Variants in KCTD15 observed in about 807,000 individuals in gnomAD.
KCTD15 encodes the protein potassium channel tetramerization domain containing 15, also known as BTB/POZ domain-containing protein KCTD15.
KCTD15 carries 11 observed loss-of-function variants against 27.2 expected under a neutral mutation model. That is an observed-to-expected ratio of 0.41 (90% CI 0.25 to 0.67). The LOEUF is 0.67. KCTD15 is among the 30% of genes least tolerant of loss of function. The pLI is 0.35. For synonymous variants in KCTD15, 163 were observed against 176.0 expected (o/e 0.93, Z 0.58); for missense variants, 350 against 409.3 (o/e 0.86, Z 1.25).
chr19:33,804,547 G>A (rs1281165696), intron 4 of KCTD15, among the ~76,000 whole-genome samples: 2 of 152,160 alleles, frequency 1.3e-5, no homozygotes, highest in Non-Finnish European at 2.9e-5. Context: ...CACCTTGGAT[G>A]TAGCTCTTAC....
upstream of KCTD15, among the ~76,000 whole-genome samples, chr19:33,794,620 T>A (rs1012856376): frequency 2.0e-5 from 3 of 152,006 alleles, no homozygotes; most frequent in Non-Finnish European, 4.4e-5. Flanking sequence ...CATTCCACCC[T>A]CCACAAAGGC....
chr19:33,812,290 C>T (rs368112892), intron 6 of KCTD15: 2 of 1,016,252 alleles, frequency 2.0e-6, no homozygotes, highest in South Asian at 9.1e-5. Flanking sequence ...TCCTTTTTCT[C>T]TCCCTCCAGA....
Position 33,813,230 on chromosome 19 carries a change from C to G in KCTD15, c.*282C>G, listed in dbSNP as rs1432189093. 2 of 638,814 alleles carry G rather than the reference C, an allele frequency of 3.1e-6. No individual in the cohort carries two copies. Among genetic ancestry groups the G allele is most frequent in the African/African-American group, 1.8e-5 (1 of 55,678 alleles). 39.6% of individuals were successfully genotyped at this position (638,814 alleles called of 1,614,324 possible). A position where few individuals can be genotyped will look rare whatever the true frequency, so the allele number is the denominator to read the frequency against. ...GCTTCGCAGCCTGGCGCAGCATCCTCTGAGGCCCCGGGGCCTGTTGGGGCG... is the reference window on the plus strand; with the variant it reads ...GCTTCGCAGCCTGGCGCAGCATCCTGTGAGGCCCCGGGGCCTGTTGGGGCG... On this transcript the variant is annotated 3_prime_UTR_variant, in exon 7 of 7. Transcript: ENST00000683859.
chr19:33,813,164 A>G lies in KCTD15; in HGVS notation c.*216A>G. Reference sequence around the variant, plus strand: ...AGGACTGTTGATGCGACCCAAAGATACAGCGGTGGGATCTCTGCTGCCAGC... The same window carrying G: ...AGGACTGTTGATGCGACCCAAAGATGCAGCGGTGGGATCTCTGCTGCCAGC... On this transcript the variant is annotated 3_prime_UTR_variant, in exon 7 of 7. Transcript: ENST00000683859. The G allele has an allele frequency of 3.2e-6, 2 of 625,920 alleles. No individual in the cohort carries two copies. Among genetic ancestry groups the G allele is most frequent in the Non-Finnish European group, 2.9e-6 (1 of 349,594 alleles). The allele number at this position is 625,920 out of a possible 1,614,324, so 38.8% of individuals were successfully genotyped here.
chr19:33,803,962 C>T (rs4239577), intron 4 of KCTD15, among the ~76,000 whole-genome samples: 38,036 of 152,172 alleles, frequency 0.25, 5,880 homozygotes, highest in Middle Eastern at 0.43. Flanking sequence ...CCTGCTGCAG[C>T]GTGAACTGGC....
rs187795185 is a variant in KCTD15 at position 33,801,657 on chromosome 19, T to C, written c.242+315T>C. ...AGCCTGCCGGCAGCGGGCAGGGGAGTCTCACGTACCTTCAAGGTTCCTCTG... is the reference window on the plus strand; with the variant it reads ...AGCCTGCCGGCAGCGGGCAGGGGAGCCTCACGTACCTTCAAGGTTCCTCTG... On this transcript the variant is annotated intron_variant, in intron 4 of 6. Transcript: ENST00000683859. 8.0e-5 allele frequency: 21 copies of C among 261,906 alleles called. No homozygotes were observed. In the East Asian group the frequency reaches 1.3e-3, roughly 16 times the overall value. 16.2% of individuals were successfully genotyped at this position (261,906 alleles called of 1,614,324 possible).
At chr19:33,812,044 G>A (rs1192111277) in intron 6 of KCTD15, 1 of 1,399,962 alleles carries the variant, frequency 7.1e-7, no homozygotes, top group Non-Finnish European at 9.2e-7. Flanking sequence ...ATGGAGTGAG[G>A]GCCTATTTTC....
chr19:33,797,940 G>A (rs1342732378), intron 1 of KCTD15, among the ~76,000 whole-genome samples: 3 of 152,100 alleles, frequency 2.0e-5, no homozygotes, highest in Non-Finnish European at 2.9e-5. Context: ...CTTTGTCCCC[G>A]CCCCGCCTCC....
At position 33,797,436 on chromosome 19, in the gene KCTD15, TC is replaced by T. The variant is rs567862011; in HGVS notation, c.-127+450del. On this transcript the variant is annotated intron_variant, in intron 1 of 6. Coordinates refer to ENST00000683859, the MANE Select transcript of KCTD15 (RefSeq NM_001129994.2). ...ACAAGTCCCGGCTTGGCGCCCAAAA[TC>T]AGAGAAAGTCTCCAGTGGGACAGAT... 5.0e-4 allele frequency: 227 copies of T among 453,746 alleles called. 3 individuals carry two copies. Among genetic ancestry groups the T allele is most frequent in the African/African-American group, 4.4e-3 (220 of 50,044 alleles). The allele number at this position is 453,746 out of a possible 1,614,324, so 28.1% of individuals were successfully genotyped here.
In KCTD15 at chr19:33,813,048, G is replaced by A; in HGVS notation, c.*100G>A. The A allele has an allele frequency of 2.4e-6, 3 of 1,265,620 alleles. No homozygotes were observed. The highest frequency in any genetic ancestry group is 3.3e-6 in the Non-Finnish European group (3 of 904,840). 78.4% of individuals were successfully genotyped at this position (1,265,620 alleles called of 1,614,324 possible). On this transcript the variant is annotated 3_prime_UTR_variant, in exon 7 of 7. Transcript: ENST00000683859. Reference sequence around the variant, plus strand: ...TGGCCGTGGGCATGAGACCGAGGGTGAGGCTGGAGGGTCCAAAGCTGGCCC... The same window carrying A: ...TGGCCGTGGGCATGAGACCGAGGGTAAGGCTGGAGGGTCCAAAGCTGGCCC...
chr19:33,801,438 C>A, intron 4 of KCTD15, 96 bp downstream of exon 4: 1 of 1,117,800 alleles, frequency 8.9e-7, no homozygotes, highest in Non-Finnish European at 1.2e-6. Flanking sequence ...CACTGTCACT[C>A]CACCCACCAG....
intron 3 of KCTD15, among the ~76,000 whole-genome samples, chr19:33,800,787 A>T (rs919364293): frequency 6.6e-6 from 1 of 152,204 alleles, no homozygotes; most frequent in Non-Finnish European, 1.5e-5. Flanking sequence ...AAACCCCTGA[A>T]TCCCAATTCA....
upstream of KCTD15, among the ~76,000 whole-genome samples, chr19:33,795,703 G>A (rs1034656937): frequency 1.3e-5 from 2 of 152,132 alleles, no homozygotes; most frequent in Non-Finnish European, 2.9e-5. Flanking sequence ...AGGGGAGGAG[G>A]AGTGGGAGTG....
chr19:33,813,559 T>A lies in KCTD15; in HGVS notation c.*611T>A, dbSNP rs1976002365. Reference sequence around the variant, plus strand: ...GATGCAGGGATGTGTGCTGCAGGGCTGCTGGGAGGAGAGTGGTGGGGGCCT... The same window carrying A: ...GATGCAGGGATGTGTGCTGCAGGGCAGCTGGGAGGAGAGTGGTGGGGGCCT... On this transcript the variant is annotated 3_prime_UTR_variant, in exon 7 of 7. Coordinates refer to ENST00000683859, the MANE Select transcript of KCTD15 (RefSeq NM_001129994.2). 1 of 362,928 alleles carries A rather than the reference T, an allele frequency of 2.8e-6. No individual in the cohort carries two copies. The highest frequency in any genetic ancestry group is 5.4e-6 in the Non-Finnish European group (1 of 184,446). 22.5% of individuals were successfully genotyped at this position (362,928 alleles called of 1,614,324 possible). A position where few individuals can be genotyped will look rare whatever the true frequency, so the allele number is the denominator to read the frequency against.
intron 2 of KCTD15, among the ~76,000 whole-genome samples, 155 bp downstream of exon 2, chr19:33,798,921 A>G (rs1433914696): frequency 1.3e-5 from 2 of 152,168 alleles, no homozygotes; most frequent in African/African-American, 4.8e-5. Context: ...GTCCGCTTTG[A>G]TAGAATTTCA....
chr19:33,800,569 C>T, intron 3 of KCTD15, 49 bp downstream of exon 3: 1 of 1,517,500 alleles, frequency 6.6e-7, no homozygotes, highest in East Asian at 2.4e-5. Flanking sequence ...CCCTCTTTCC[C>T]TTCTTCCCCA....
intron 6 of KCTD15, 83 bp downstream of exon 6, chr19:33,811,635 C>G (rs560059470): frequency 3.3e-6 from 5 of 1,527,650 alleles, no homozygotes; most frequent in Non-Finnish European, 4.4e-6. Flanking sequence ...TGGAGGGAGG[C>G]GCGATCCCTG....
intron 4 of KCTD15, 137 bp downstream of exon 4, chr19:33,801,479 T>G: frequency 1.4e-6 from 1 of 712,050 alleles, no homozygotes; most frequent in East Asian, 2.9e-5. Context: ...TGACACAGCC[T>G]GAGGGAGCTA....
intron 4 of KCTD15, 30 bp from the exon 5 acceptor site, chr19:33,806,833 C>G (rs1340201540): frequency 3.7e-6 from 6 of 1,608,898 alleles, no homozygotes; most frequent in South Asian, 2.2e-5. Context: ...CCCATCCCTT[C>G]AGACATCCCA....
Sources: gnomAD v4.1 joint callset for allele counts (sites outside exome capture counted in the v4.1 genomes callset) on GRCh38, gnomAD v4.1.1 for gene constraint, MANE v1.5 for transcripts, NCBI Gene and HGNC (gene_info 2026-07-23, HGNC 2026-07-21) for gene names.